Variants in GREM2 observed in about 807,000 individuals in gnomAD.
GREM2 encodes gremlin-2.
In GREM2, 11 loss-of-function variants were observed where a neutral mutation model predicts 14.2. The observed-to-expected ratio is 0.78, with a 90% CI of 0.49 to 1.28. The LOEUF is 1.28. GREM2 is among the 50% of genes most tolerant of loss of function. GREM2 has a pLI of 0.00. For missense variants in GREM2, 210 were observed against 218.5 expected, an observed-to-expected ratio of 0.96 and a Z score of 0.24; for synonymous variants, 98 against 97.6, an observed-to-expected ratio of 1.00 and a Z score of -0.02.
At chr1:240,504,584 T>C (rs917390859) in intron 1 of GREM2, among the ~76,000 whole-genome samples, 5 of 152,162 alleles carry the variant, frequency 3.3e-5, no homozygotes, top group African/African-American at 1.2e-4. Flanking sequence ...CTTATTGTGG[T>C]ATATCGCCTA....
At chr1:240,558,265 G>T (rs1344036571) in intron 1 of GREM2, among the ~76,000 whole-genome samples, 1 of 152,074 alleles carries the variant, frequency 6.6e-6, no homozygotes, top group African/African-American at 2.4e-5. Flanking sequence ...AGAATCAGCT[G>T]GAAACTTTGA....
intron 1 of GREM2, among the ~76,000 whole-genome samples, chr1:240,611,011 T>A (rs1454759307): frequency 6.6e-6 from 1 of 151,996 alleles, no homozygotes; most frequent in African/African-American, 2.4e-5. Context: ...TCTTTAAAAT[T>A]TCAAATCAAA....
chr1:240,561,135 A>G (rs1327131835), intron 1 of GREM2, among the ~76,000 whole-genome samples: 2 of 152,262 alleles, frequency 1.3e-5, no homozygotes, highest in East Asian at 1.9e-4. Flanking sequence ...TTTTTTTTCA[A>G]GGTGAAACTA....
chr1:240,509,965 T>A (rs1007956152), intron 1 of GREM2, among the ~76,000 whole-genome samples: 4 of 152,332 alleles, frequency 2.6e-5, no homozygotes, highest in Admixed American at 2.6e-4. Context: ...AAGCTACGGT[T>A]AAGCCTTCCT....
intron 1 of GREM2, among the ~76,000 whole-genome samples, chr1:240,569,979 C>T (rs1679230006): frequency 6.6e-6 from 1 of 152,132 alleles, no homozygotes; most frequent in Non-Finnish European, 1.5e-5. Flanking sequence ...TGTTTGCCTC[C>T]TGCTGGATTT....
chr1:240,506,679 T>C (rs1381216189), intron 1 of GREM2, among the ~76,000 whole-genome samples: 1 of 152,256 alleles, frequency 6.6e-6, no homozygotes, highest in Non-Finnish European at 1.5e-5. Flanking sequence ...AGCACTTTTG[T>C]TAAAGTTGTG....
chr1:240,611,256 A>T (rs1680128476), intron 1 of GREM2, among the ~76,000 whole-genome samples: 1 of 152,208 alleles, frequency 6.6e-6, no homozygotes, highest in African/African-American at 2.4e-5. Flanking sequence ...ATGCATTTTT[A>T]AACTCGTAAG....
At chr1:240,508,061 CT>C (rs888162922) in intron 1 of GREM2, among the ~76,000 whole-genome samples, 2 of 152,142 alleles carry the variant, frequency 1.3e-5, no homozygotes, top group African/African-American at 4.8e-5. Context: ...TTGAAATTCC[CT>C]CTATTTTTCT....
intron 1 of GREM2, among the ~76,000 whole-genome samples, chr1:240,572,392 G>T (rs1679277667): frequency 6.6e-6 from 1 of 152,128 alleles, no homozygotes; most frequent in Admixed American, 6.6e-5. Flanking sequence ...GTCATTACTT[G>T]ACAGATAAAA....
intron 1 of GREM2, among the ~76,000 whole-genome samples, chr1:240,494,159 G>T (rs980835961): frequency 2.0e-5 from 3 of 152,234 alleles, no homozygotes; most frequent in Admixed American, 6.5e-5. Context: ...GCTGTCCTAA[G>T]AGTACATCTC....
intron 1 of GREM2, among the ~76,000 whole-genome samples, chr1:240,596,487 A>T (rs1006203159): frequency 6.6e-6 from 1 of 152,114 alleles, no homozygotes; most frequent in African/African-American, 2.4e-5. Context: ...ACCTGAGATC[A>T]GGAGTTTGAG....
intron 1 of GREM2, among the ~76,000 whole-genome samples, chr1:240,518,779 G>A (rs928172635): frequency 1.5e-4 from 23 of 152,202 alleles, no homozygotes; most frequent in African/African-American, 5.3e-4. Context: ...AAGAGGCTTT[G>A]GATGAAAATC....
At chr1:240,607,142 C>A (rs752858249) in intron 1 of GREM2, among the ~76,000 whole-genome samples, 3 of 152,120 alleles carry the variant, frequency 2.0e-5, no homozygotes, top group Admixed American at 6.6e-5. Context: ...CTTTAACTAA[C>A]AACTGTCAGC....
Position 240,582,994 on chromosome 1 carries a change from G to C in GREM2, c.-2+28890C>G, listed in dbSNP as rs75737557. Among the ~76,000 whole-genome samples, 1,462 of 152,130 alleles carry C rather than the reference G, an allele frequency of 9.6e-3. 23 individuals are homozygous for C. The highest frequency in any genetic ancestry group is 0.034 in the African/African-American group (1,396 of 41,502). On this transcript the variant is annotated intron_variant, in intron 1 of 1. Transcript: ENST00000318160. ...TAGATTTGCTTGACTAAAACCTCTTGTATTTTCTTTCTCCTTTTTACCACA... is the reference window on the plus strand; with the variant it reads ...TAGATTTGCTTGACTAAAACCTCTTCTATTTTCTTTCTCCTTTTTACCACA...
chr1:240,519,461 A>G (rs1314019042), intron 1 of GREM2, among the ~76,000 whole-genome samples: 3 of 151,994 alleles, frequency 2.0e-5, no homozygotes, highest in Non-Finnish European at 2.9e-5. Context: ...TAAAATTCCC[A>G]TATTCCCACC....
chr1:240,603,797 A>G (rs898622723), intron 1 of GREM2, among the ~76,000 whole-genome samples: 2 of 151,588 alleles, frequency 1.3e-5, no homozygotes, highest in Non-Finnish European at 2.9e-5. Flanking sequence ...GTTATTATAT[A>G]TGTATTTTAT....
At chr1:240,572,503 C>T (rs577945908) in intron 1 of GREM2, among the ~76,000 whole-genome samples, 1 of 152,354 alleles carries the variant, frequency 6.6e-6, no homozygotes, top group East Asian at 1.9e-4. Flanking sequence ...TCTTCCCCAT[C>T]TGCTGACAAA....
intron 1 of GREM2, among the ~76,000 whole-genome samples, chr1:240,544,226 T>C (rs1322853557): frequency 3.3e-5 from 5 of 151,560 alleles, no homozygotes; most frequent in Admixed American, 1.3e-4. Flanking sequence ...CGGCTCACTG[T>C]AAGTTCCGCC....
rs1678860492 is a variant in GREM2, at chr1:240,551,828, T to C, written c.-1-58352A>G. ...TGAGGACAAAAATGTGTTGAATTAATGGAGAAGGGAGGAGGAACCTCAGAA... is the reference window on the plus strand; with the variant it reads ...TGAGGACAAAAATGTGTTGAATTAACGGAGAAGGGAGGAGGAACCTCAGAA... On this transcript the variant is annotated intron_variant, in intron 1 of 1. Transcript: ENST00000318160. Among the ~76,000 whole-genome samples, 3 of 152,234 alleles carry C rather than the reference T, an allele frequency of 2.0e-5. 1 individual carries two copies. The Middle Eastern group carries it at 0.01, about 518-fold the overall frequency.
Sources: gnomAD v4.1 joint callset for allele counts (sites outside exome capture counted in the v4.1 genomes callset) on GRCh38, gnomAD v4.1.1 for gene constraint, MANE v1.5 for transcripts, NCBI Gene and HGNC (gene_info 2026-07-23, HGNC 2026-07-21) for gene names.